Variants in DCST2 observed in about 807,000 individuals in gnomAD.
The protein encoded by DCST2 is DC-STAMP domain-containing protein 2.
Under a neutral mutation model 81.8 loss-of-function variants are expected in DCST2, and 64 were observed. The observed-to-expected ratio is 0.78, with a 90% CI of 0.64 to 0.96. DCST2 has a LOEUF of 0.96. DCST2 is among the 40% of genes least tolerant of loss of function. The pLI is 0.00. For synonymous variants in DCST2, 354 were observed against 402.6 expected (o/e 0.88, Z 1.44); for missense variants, 945 against 1,001.4 (o/e 0.94, Z 0.76).
Position 155,029,368 on chromosome 1 carries a change from ACTT to A in DCST2, c.1204_1206del (p.Lys402del). 6.2e-7 allele frequency: 1 copy of A among 1,614,058 alleles called. No individual in the cohort carries two copies. Among genetic ancestry groups the A allele is most frequent in the Non-Finnish European group, 8.5e-7 (1 of 1,180,002 alleles). ...TTGAAGGTCTCCAGAATGTAAAAAA[ACTT>A]CTCCCATTGGGACAAGAAGATGGAG... is the stretch of plus-strand genomic sequence containing the variant. On this transcript the variant is annotated inframe_deletion, in exon 8 of 15. Coordinates refer to ENST00000368424, the MANE Select transcript of DCST2 (RefSeq NM_144622.3).
intron 8 of DCST2, 166 bp from the exon 9 acceptor site, chr1:155,026,881 A>G: frequency 2.6e-6 from 2 of 770,600 alleles, no homozygotes; most frequent in African/African-American, 1.7e-5. Flanking sequence ...CTGGGGCCTG[A>G]CCTCAGTTCT....
At chr1:155,026,832 G>A (rs1436828356) in intron 8 of DCST2, 117 bp from the exon 9 acceptor site, 1 of 1,290,130 alleles carries the variant, frequency 7.8e-7, no homozygotes, top group African/African-American at 1.5e-5. Context: ...CAGACCCTTG[G>A]CTGGGGGCCT....
intron 13 of DCST2, 53 bp from the exon 14 acceptor site, chr1:155,023,310 C>T: frequency 6.2e-7 from 1 of 1,612,916 alleles, no homozygotes; most frequent in Non-Finnish European, 8.5e-7. Context: ...AGAAGGGTGC[C>T]TACTTCCACT....
chr1:155,026,387 A>G lies in DCST2; in HGVS notation c.1526T>C (p.Leu509Pro). Reference protein sequence around the residue: ...GYIVIGVMYGLCFFITLFGSY... With the variant: ...GYIVIGVMYGPCFFITLFGSY... ...GCCAAACAGGGTGATGAAGAAGCATAGGCCATACATGACGCCTGGGAGCAC... is the reference window on the plus strand; with the variant it reads ...GCCAAACAGGGTGATGAAGAAGCATGGGCCATACATGACGCCTGGGAGCAC... The change falls in exon 10 of 15, where the codon CTA becomes CCA. Residue 509 changes from leucine (L) to proline (P), a missense_variant. Physicochemically the swap from Leu to Pro is moderately conservative, Grantham distance 98. Transcript: ENST00000368424. The G allele has an allele frequency of 6.2e-7, 1 of 1,613,852 alleles. No individual in the cohort carries two copies. The highest frequency in any genetic ancestry group is 1.7e-5 in the Admixed American group (1 of 60,028).
At position 155,018,870 on chromosome 1, in the gene DCST2, G is replaced by A. The variant is rs184779539; in HGVS notation, c.2106-110C>T. The stretch of plus-strand genomic sequence containing the variant: ...TTCAGATCCAGCTCCTGTTCTTTCT[G>A]AGCAACTCCTGCTCTCTCAGGCCCA... On this transcript the variant is annotated intron_variant, in intron 14 of 14. Coordinates refer to ENST00000368424, the MANE Select transcript of DCST2 (RefSeq NM_144622.3). 23 of 1,104,866 alleles carry A rather than the reference G, an allele frequency of 2.1e-5. No individual in the cohort carries two copies. The Admixed American group carries it at 4.7e-4, about 23-fold the overall frequency. 68.4% of individuals were successfully genotyped at this position (1,104,866 alleles called of 1,614,324 possible).
chr1:155,019,257 C>G (rs1295035414), intron 14 of DCST2, among the ~76,000 whole-genome samples: 1 of 152,152 alleles, frequency 6.6e-6, no homozygotes, highest in Non-Finnish European at 1.5e-5. Context: ...TTTGCAAAGC[C>G]CCTGGCTGCC....
intron 14 of DCST2, among the ~76,000 whole-genome samples, chr1:155,022,566 TACAAAATAATAATAATA>T (rs971036466): frequency 1.8e-4 from 27 of 152,130 alleles, no homozygotes; most frequent in Non-Finnish European, 3.7e-4. Flanking sequence ...CCCCCGTCTC[TACAAAATAATAATAATA>T]ACAAAATAAT....
rs376401618 is a variant in DCST2, at chr1:155,033,106, G to C, written c.427C>G (p.Gln143Glu). The change falls in exon 2 of 15, where the codon CAA becomes GAA. Residue 143 changes from glutamine (Q) to glutamate (E), a missense_variant. By Grantham distance (29) the Gln-to-Glu change is conservative (BLOSUM62 2). Coordinates refer to ENST00000368424, the MANE Select transcript of DCST2 (RefSeq NM_144622.3). ...GTGGGGGACTTACTGACAAGAGGTT[G>C]CTTGGCCCTCTGTAGCACTTCGGCG... Reference protein sequence around the residue: ...QTAEVLQRAKQPLVSALNKIK... With the variant: ...QTAEVLQRAKEPLVSALNKIK... 3.0e-5 allele frequency: 48 copies of C among 1,580,226 alleles called. No individual in the cohort carries two copies. Among genetic ancestry groups the C allele is most frequent in the Non-Finnish European group, 2.7e-5 (31 of 1,164,430 alleles).
Position 155,033,497 on chromosome 1 carries a change from C to T in DCST2, c.205G>A (p.Gly69Ser). The change falls in exon 1 of 15, where the codon GGC (glycine) becomes AGC (serine). Residue 69 changes from glycine to serine, a missense_variant. Physicochemically the swap from Gly to Ser is moderately conservative, Grantham distance 56. Transcript: ENST00000368424. ...CGGACCTGGCGAGAGAATCCCATGC[C>T]CAGGCTAAGGAAGGCAGCCAAAGTG... is the stretch of plus-strand genomic sequence containing the variant. ...TLTLAAFLSL[G>S]MGFSRQVRAT... 1 of 1,613,996 alleles carries T rather than the reference C, an allele frequency of 6.2e-7. No homozygotes were observed. Among genetic ancestry groups the T allele is most frequent in the Non-Finnish European group, 8.5e-7 (1 of 1,179,966 alleles).
chr1:155,020,811 ATTT>A (rs1211346667), intron 14 of DCST2, among the ~76,000 whole-genome samples: 1 of 142,698 alleles, frequency 7.0e-6, no homozygotes, highest in African/African-American at 2.6e-5. Flanking sequence ...ATCCTACTTG[ATTT>A]TTTTTTTTTT....
intron 10 of DCST2, among the ~76,000 whole-genome samples, chr1:155,025,580 G>T (rs1232724904): frequency 6.6e-6 from 1 of 152,076 alleles, no homozygotes; most frequent in South Asian, 2.1e-4. Context: ...GCCCACCTCG[G>T]CCTCCTAAAG....
At chr1:155,032,828 A>G (rs1332488719) in intron 2 of DCST2, 60 bp from the exon 3 acceptor site, 1 of 1,475,002 alleles carries the variant, frequency 6.8e-7, no homozygotes, top group African/African-American at 1.4e-5. Context: ...GGTTCTCACC[A>G]TTGCCCCTTA....
At position 155,033,616 on chromosome 1, in the gene DCST2, C is replaced by G. The variant is rs1188822265; in HGVS notation, c.86G>C (p.Gly29Ala). 1 of 1,614,200 alleles carries G rather than the reference C, an allele frequency of 6.2e-7. No individual in the cohort carries two copies. Among genetic ancestry groups the G allele is most frequent in the African/African-American group, 1.3e-5 (1 of 75,060 alleles). Residue 29 changes from glycine (G) to alanine (A), a missense_variant, in exon 1 of 15, where the codon GGT (glycine) becomes GCT (alanine). Coordinates refer to ENST00000368424, the MANE Select transcript of DCST2 (RefSeq NM_144622.3). The stretch of plus-strand genomic sequence containing the variant: ...GGCTAAAGACAAGCCCAGGGTAAAA[C>G]CTCCCACGCTGCGAACCACAGCTCT... ...MARAVVRSVG[G>A]FTLGLSLATA...
intron 10 of DCST2, among the ~76,000 whole-genome samples, chr1:155,025,482 C>A (rs1322034691): frequency 6.6e-6 from 1 of 152,008 alleles, no homozygotes; most frequent in Non-Finnish European, 1.5e-5. Flanking sequence ...GCACGTGCCA[C>A]CACGCCCGGC....
chr1:155,022,606 G>A (rs1039974108), intron 14 of DCST2, among the ~76,000 whole-genome samples: 17 of 152,138 alleles, frequency 1.1e-4, no homozygotes, highest in African/African-American at 3.9e-4. Flanking sequence ...TAATAAGGCA[G>A]GTGTGATGGT....
rs574977166 is a variant in DCST2 at position 155,029,372 on chromosome 1, C to T, written c.1203G>A (p.Glu401=). The part of the protein sequence containing the change: ...PPGSIFLSQW[E]KFFYILETFN... ...AGGTCTCCAGAATGTAAAAAAACTTCTCCCATTGGGACAAGAAGATGGAGC... is the reference window on the plus strand; with the variant it reads ...AGGTCTCCAGAATGTAAAAAAACTTTTCCCATTGGGACAAGAAGATGGAGC... The change falls in exon 8 of 15, where the codon GAG becomes GAA. Residue 401 remains glutamate (E), a synonymous_variant. Transcript: ENST00000368424. 2 of 1,614,060 alleles carry T rather than the reference C, an allele frequency of 1.2e-6. No homozygotes were observed. Among genetic ancestry groups the T allele is most frequent in the African/African-American group, 2.7e-5 (2 of 75,022 alleles).
At position 155,030,654 on chromosome 1, in the gene DCST2, A is replaced by G; in HGVS notation, c.806-9T>C. The stretch of plus-strand genomic sequence containing the variant: ...GAGCAACTGAATCACGGCTGGGGCC[A>G]GCAGGTTCAGGGGAGACGTGGGCAA... On this transcript the variant is annotated splice_polypyrimidine_tract_variant and intron_variant, in intron 5 of 14. Coordinates refer to ENST00000368424, the MANE Select transcript of DCST2 (RefSeq NM_144622.3). The G allele has an allele frequency of 6.2e-7, 1 of 1,613,908 alleles. No homozygotes were observed. The highest frequency in any genetic ancestry group is 8.5e-7 in the Non-Finnish European group (1 of 1,179,958).
At position 155,023,065 on chromosome 1, in the gene DCST2, A is replaced by G. The variant is rs1175501780; in HGVS notation, c.2105+52T>C. 39 of 1,587,800 alleles carry G rather than the reference A, an allele frequency of 2.5e-5. 3 individuals are homozygous for G. Among genetic ancestry groups the G allele is most frequent in the Non-Finnish European group, 3.0e-5 (35 of 1,172,102 alleles). On this transcript the variant is annotated intron_variant, in intron 14 of 14. Transcript: ENST00000368424. ...AGGAAGGCCTTTGCAAATGGAACAG[A>G]ACATGCTTAGGACTCACAATTCCCA...
intron 9 of DCST2, 42 bp from the exon 10 acceptor site, chr1:155,026,444 A>T: frequency 1.2e-6 from 2 of 1,612,648 alleles, no homozygotes; most frequent in East Asian, 4.5e-5. Context: ...CAGCAGGCAC[A>T]AGTGCCAGCC....
Sources: allele counts gnomAD v4.1 joint callset (sites outside exome capture counted in the v4.1 genomes callset), GRCh38; gene constraint gnomAD v4.1.1; transcripts MANE v1.5; gene names NCBI Gene and HGNC (gene_info 2026-07-23, HGNC 2026-07-21).